Variants in ARMC9 observed in about 807,000 individuals in gnomAD.
The protein encoded by ARMC9 is armadillo repeat containing 9.
Under a neutral mutation model 107.0 loss-of-function variants are expected in ARMC9, and 94 were observed. The ratio of observed to expected loss-of-function variants is 0.88; its 90% CI spans 0.74 to 1.04. The LOEUF (loss-of-function observed/expected upper bound fraction) is 1.04. Ranked by LOEUF, ARMC9 falls within the 50% of genes least tolerant of loss-of-function variation. ARMC9 has a pLI of 0.00. For missense variants in ARMC9, 942 were observed against 1,030.1 expected, an observed-to-expected ratio of 0.91 and a Z score of 1.17; for synonymous variants, 380 against 396.9, an observed-to-expected ratio of 0.96 and a Z score of 0.51.
At chr2:231,228,404 C>T (rs1178071956) in intron 7 of ARMC9, among the ~76,000 whole-genome samples, 1 of 152,210 alleles carries the variant, frequency 6.6e-6, no homozygotes, top group East Asian at 1.9e-4. Flanking sequence ...CACTCACACG[C>T]AGAGTGGTGG....
intron 16 of ARMC9, among the ~76,000 whole-genome samples, chr2:231,280,266 C>G (rs2040102371): frequency 6.6e-6 from 1 of 152,026 alleles, no homozygotes; most frequent in South Asian, 2.1e-4. Context: ...ACCAGCCTGG[C>G]CAACATGGTG....
intron 14 of ARMC9, among the ~76,000 whole-genome samples, chr2:231,273,738 A>G (rs2039533376): frequency 6.6e-6 from 1 of 152,046 alleles, no homozygotes; most frequent in Admixed American, 6.5e-5. Context: ...TTTAGTTTAC[A>G]GTTTTGTTGA....
intron 12 of ARMC9, among the ~76,000 whole-genome samples, chr2:231,270,252 C>T (rs2039211889): frequency 6.6e-6 from 1 of 152,210 alleles, no homozygotes. Flanking sequence ...AGAACCCCGG[C>T]AAGCCTTGCT....
At chr2:231,236,868 C>T (rs1163725190) in intron 8 of ARMC9, among the ~76,000 whole-genome samples, 2 of 152,110 alleles carry the variant, frequency 1.3e-5, no homozygotes, top group African/African-American at 2.4e-5. Flanking sequence ...CTCTTGAACC[C>T]GGCTGGCAGA....
At chr2:231,278,741 A>G (rs917467403) in intron 16 of ARMC9, among the ~76,000 whole-genome samples, 3 of 151,676 alleles carry the variant, frequency 2.0e-5, no homozygotes, top group East Asian at 1.9e-4. Context: ...AGCCCCCAAC[A>G]TTCCTCCCCC....
rs146650763 is a variant in ARMC9 at position 231,291,370 on chromosome 2, A to G, written c.1644A>G (p.Leu548=). Residue 548 remains leucine, a synonymous_variant, in exon 18 of 25, where the codon CTA becomes CTG. Transcript: ENST00000611582. ...ACTTCTAGGGAATGGAAGACATCCT[A>G]CGCTGCTTCATCAAAGAAGGCAATG... ...EARAMGMEDI[L]RCFIKEGNAE... 1.6e-4 allele frequency: 264 copies of G among 1,613,658 alleles called. No homozygotes were observed. In the African/African-American group the frequency reaches 3.1e-3, roughly 19 times the overall value.
At chr2:231,274,455 G>A (rs1395875810) in intron 14 of ARMC9, among the ~76,000 whole-genome samples, 3 of 152,146 alleles carry the variant, frequency 2.0e-5, no homozygotes, top group South Asian at 2.1e-4. Context: ...ATTGGCATTT[G>A]AGTTGTTTGC....
intron 19 of ARMC9, among the ~76,000 whole-genome samples, chr2:231,298,680 C>T (rs1352174989): frequency 6.6e-6 from 1 of 152,202 alleles, no homozygotes; most frequent in African/African-American, 2.4e-5. Flanking sequence ...GGCACGGTGG[C>T]TCACACCTGC....
At chr2:231,312,015 T>G (rs1455050502) in intron 19 of ARMC9, among the ~76,000 whole-genome samples, 2 of 152,132 alleles carry the variant, frequency 1.3e-5, no homozygotes, top group African/African-American at 4.8e-5. Flanking sequence ...TGTGTCTGGC[T>G]CATTTGATCA....
intron 13 of ARMC9, 37 bp from the exon 14 acceptor site, chr2:231,272,918 C>T: frequency 6.2e-7 from 1 of 1,601,140 alleles, no homozygotes; most frequent in Non-Finnish European, 8.5e-7. Context: ...TAAATTATTT[C>T]TGTCTTTCAC....
At position 231,259,092 on chromosome 2, in the gene ARMC9, C is replaced by G. The variant is rs766609997; in HGVS notation, c.1016C>G (p.Ala339Gly). The G allele has an allele frequency of 1.2e-6, 2 of 1,613,246 alleles. No individual in the cohort carries two copies. Among genetic ancestry groups the G allele is most frequent in the African/African-American group, 2.7e-5 (2 of 75,042 alleles). ...CGCTTGAAAGCCTTCTTGTTGCAGGCTCTGCGCTGGGTAGGTACCTTTGTC... is the reference window on the plus strand; with the variant it reads ...CGCTTGAAAGCCTTCTTGTTGCAGGGTCTGCGCTGGGTAGGTACCTTTGTC... ...SDRLKAFLLQ[A>G]LRWRLTTSHP... Residue 339 changes from alanine (A) to glycine (G), a missense_variant, in exon 11 of 25, where the codon GCT (alanine) becomes GGT (glycine). Physicochemically the swap from Ala to Gly is moderately conservative, Grantham distance 60. Coordinates refer to ENST00000611582, the MANE Select transcript of ARMC9 (RefSeq NM_001352754.2).
chr2:231,325,950 C>T (rs1229334149), intron 19 of ARMC9, among the ~76,000 whole-genome samples: 1 of 152,030 alleles, frequency 6.6e-6, no homozygotes, highest in Non-Finnish European at 1.5e-5. Context: ...GAGCCTGGGC[C>T]CTGGGTGGGG....
At chr2:231,207,064 G>T (rs985720279) in intron 2 of ARMC9, among the ~76,000 whole-genome samples, 11 of 152,222 alleles carry the variant, frequency 7.2e-5, no homozygotes, top group Non-Finnish European at 1.6e-4. Flanking sequence ...GAGTGCAGTG[G>T]CATCATCATG....
At chr2:231,278,596 T>A in intron 16 of ARMC9, 138 bp downstream of exon 16, 1 of 703,598 alleles carries the variant, frequency 1.4e-6, no homozygotes, top group South Asian at 2.1e-5. Context: ...CCTTCTGGGA[T>A]TTTCATAAGC....
chr2:231,221,438 T>A (rs1044811870), intron 5 of ARMC9, among the ~76,000 whole-genome samples: 1 of 152,178 alleles, frequency 6.6e-6, no homozygotes, highest in Non-Finnish European at 1.5e-5. Flanking sequence ...GACTTCAGCA[T>A]GTATTTTGAG....
intron 23 of ARMC9, among the ~76,000 whole-genome samples, chr2:231,365,725 C>T (rs1445646183): frequency 1.3e-5 from 2 of 152,202 alleles, no homozygotes; most frequent in South Asian, 2.1e-4. Flanking sequence ...GCCGCACACA[C>T]AGCTCCCATG....
At chr2:231,235,434 A>T in intron 8 of ARMC9, 53 bp downstream of exon 8, 1 of 1,601,604 alleles carries the variant, frequency 6.2e-7, no homozygotes, top group African/African-American at 1.3e-5. Flanking sequence ...AAGAAGGCTT[A>T]TAGGCATGGA....
intron 19 of ARMC9, among the ~76,000 whole-genome samples, chr2:231,324,278 C>T (rs1167528662): frequency 2.6e-5 from 4 of 151,394 alleles, no homozygotes; most frequent in African/African-American, 9.7e-5. Flanking sequence ...CAGGCACACG[C>T]CACCACGCCC....
At chr2:231,272,835 TAA>T in intron 13 of ARMC9, 118 bp from the exon 14 acceptor site, 1 of 1,335,698 alleles carries the variant, frequency 7.5e-7, no homozygotes, top group Non-Finnish European at 1.0e-6. Flanking sequence ...TTTTAGAACA[TAA>T]AATTACCCAA....
Sources: gnomAD v4.1 joint callset for allele counts (sites outside exome capture counted in the v4.1 genomes callset) on GRCh38, gnomAD v4.1.1 for gene constraint, MANE v1.5 for transcripts, NCBI Gene and HGNC (gene_info 2026-07-23, HGNC 2026-07-21) for gene names.